The following ETV6 variants were observed in gnomAD, a reference collection of about 807,000 sequenced individuals.
The protein encoded by ETV6 is ETS variant transcription factor 6, also known as transcription factor ETV6.
In ETV6, 16 loss-of-function variants were observed where a neutral mutation model predicts 51.1. That is an observed-to-expected ratio of 0.31 (90% CI 0.21 to 0.48). The LOEUF is 0.48. Ranked by LOEUF, ETV6 falls within the 20% of genes least tolerant of loss-of-function variation. ETV6 has a pLI of 0.99. For missense variants in ETV6, 458 were observed against 594.8 expected, an observed-to-expected ratio of 0.77 and a Z score of 2.39; for synonymous variants, 240 against 224.1, an observed-to-expected ratio of 1.07 and a Z score of -0.64.
At chr12:11,819,305 G>A (rs1750520161) in intron 2 of ETV6, among the ~76,000 whole-genome samples, 1 of 152,160 alleles carries the variant, frequency 6.6e-6, no homozygotes, top group Non-Finnish European at 1.5e-5. Context: ...TGGCTTGCAA[G>A]ATACCACTGT....
intron 5 of ETV6, among the ~76,000 whole-genome samples, chr12:11,872,338 G>C (rs1946892575): frequency 6.6e-6 from 1 of 152,106 alleles, no homozygotes; most frequent in African/African-American, 2.4e-5. Flanking sequence ...GATCTCTCCT[G>C]TCTACCTCCC....
intron 3 of ETV6, among the ~76,000 whole-genome samples, chr12:11,853,156 C>T (rs1946582030): frequency 6.6e-6 from 1 of 152,226 alleles, no homozygotes; most frequent in Non-Finnish European, 1.5e-5. Context: ...CTCTGCACTT[C>T]AGCACTGGCA....
intron 2 of ETV6, among the ~76,000 whole-genome samples, chr12:11,764,883 C>G (rs1277217151): frequency 6.6e-6 from 1 of 152,196 alleles, no homozygotes; most frequent in Non-Finnish European, 1.5e-5. Context: ...TTATCCTCAT[C>G]TTACTGATGA....
intron 2 of ETV6, among the ~76,000 whole-genome samples, chr12:11,807,228 C>T (rs1039820267): frequency 3.3e-5 from 5 of 152,222 alleles, no homozygotes; most frequent in African/African-American, 7.2e-5. Flanking sequence ...CAAATTGTAG[C>T]AGAAGCAGGC....
chr12:11,660,470 G>A (rs779794092), intron 1 of ETV6, among the ~76,000 whole-genome samples: 3 of 151,874 alleles, frequency 2.0e-5, no homozygotes, highest in Non-Finnish European at 4.4e-5. Context: ...GTGGTGGTAG[G>A]TGCCTGTAAT....
At chr12:11,696,364 A>G (rs949387441) in intron 1 of ETV6, among the ~76,000 whole-genome samples, 2 of 152,250 alleles carry the variant, frequency 1.3e-5, no homozygotes, top group Admixed American at 6.5e-5. Flanking sequence ...CAATGAATAC[A>G]TGAACTTCGG....
In ETV6 at chr12:11,893,837, TATATACACAC is replaced by T. The variant is rs1947345088; in HGVS notation, c.*2793_*2802del. The T allele has an allele frequency of 8.2e-5, 4 of 48,570 alleles. No individual in the cohort carries two copies. The highest frequency in any genetic ancestry group is 1.2e-3 in the South Asian group (2 of 1,704). 3.0% of individuals were successfully genotyped at this position (48,570 alleles called of 1,614,324 possible). A position where few individuals can be genotyped will look rare whatever the true frequency, so the allele number is the denominator to read the frequency against. On this transcript the variant is annotated 3_prime_UTR_variant, in exon 8 of 8. Coordinates refer to ENST00000396373, the MANE Select transcript of ETV6 (RefSeq NM_001987.5). ...ATATATATATATATATATATATATATATATACACACACACACACATACACAAATATTCCAG... is the reference window on the plus strand; with the variant it reads ...ATATATATATATATATATATATATATACACACACATACACAAATATTCCAG...
chr12:11,874,565 CGTGT>C (rs1946940590), intron 5 of ETV6, among the ~76,000 whole-genome samples: 1 of 1,608 alleles, frequency 6.2e-4, no homozygotes, highest in African/African-American at 1.2e-3. Context: ...TGTGTATGTG[CGTGT>C]GTACACATAT....
chr12:11,656,726 T>C (rs796984758), intron 1 of ETV6, among the ~76,000 whole-genome samples: 4 of 152,234 alleles, frequency 2.6e-5, no homozygotes, highest in South Asian at 4.1e-4. Flanking sequence ...CATGAAGCGG[T>C]TGGAAATCTG....
At chr12:11,747,319 CA>C (rs1347297558) in intron 1 of ETV6, among the ~76,000 whole-genome samples, 1 of 152,144 alleles carries the variant, frequency 6.6e-6, no homozygotes, top group Non-Finnish European at 1.5e-5. Flanking sequence ...GCTTTCAGGG[CA>C]GGGGGGACAC....
intron 2 of ETV6, among the ~76,000 whole-genome samples, chr12:11,824,333 C>T (rs1228427319): frequency 6.6e-6 from 1 of 152,178 alleles, no homozygotes; most frequent in Admixed American, 6.5e-5. Context: ...TGGTTTTGCT[C>T]GTTCCTATAG....
intron 5 of ETV6, among the ~76,000 whole-genome samples, chr12:11,872,696 G>T (rs529858212): frequency 6.6e-6 from 1 of 151,876 alleles, no homozygotes; most frequent in Non-Finnish European, 1.5e-5. Flanking sequence ...GGGTTTCACC[G>T]TGTTGGCCAG....
chr12:11,816,889 C>T (rs1205368269), intron 2 of ETV6, among the ~76,000 whole-genome samples: 1 of 152,238 alleles, frequency 6.6e-6, no homozygotes, highest in African/African-American at 2.4e-5. Flanking sequence ...ATACCAGCTT[C>T]TTTCCATCCT....
chr12:11,788,577 T>G (rs1317510309), intron 2 of ETV6, among the ~76,000 whole-genome samples: 1 of 152,132 alleles, frequency 6.6e-6, no homozygotes, highest in Non-Finnish European at 1.5e-5. Context: ...ATGTGTGGAG[T>G]TTAAAGTACC....
At chr12:11,705,096 T>C (rs1189599752) in intron 1 of ETV6, among the ~76,000 whole-genome samples, 1 of 152,212 alleles carries the variant, frequency 6.6e-6, no homozygotes, top group Non-Finnish European at 1.5e-5. Context: ...AGGATGAGCG[T>C]GTCTAGAGAC....
At chr12:11,890,808 T>G in intron 7 of ETV6, 133 bp from the exon 8 acceptor site, 1 of 742,516 alleles carries the variant, frequency 1.3e-6, no homozygotes, top group African/African-American at 1.8e-5. Context: ...TAAGTTAACA[T>G]TAATCTCGGG....
chr12:11,728,181 T>C (rs1183223500), intron 1 of ETV6, among the ~76,000 whole-genome samples: 1 of 152,228 alleles, frequency 6.6e-6, no homozygotes, highest in Non-Finnish European at 1.5e-5. Flanking sequence ...TAAAGGCTTC[T>C]GTCACCTGTC....
intron 2 of ETV6, among the ~76,000 whole-genome samples, chr12:11,816,130 T>A (rs1945989896): frequency 6.6e-6 from 1 of 152,208 alleles, no homozygotes; most frequent in African/African-American, 2.4e-5. Flanking sequence ...AACTGTCAGA[T>A]GTCAGTGTGG....
At chr12:11,868,891 A>T (rs1946830725) in intron 4 of ETV6, among the ~76,000 whole-genome samples, 1 of 152,090 alleles carries the variant, frequency 6.6e-6, no homozygotes, top group Non-Finnish European at 1.5e-5. Context: ...TCATTAACGG[A>T]ATGCTTGTAG....
Sources: allele counts gnomAD v4.1 joint callset (sites outside exome capture counted in the v4.1 genomes callset), GRCh38; gene constraint gnomAD v4.1.1; transcripts MANE v1.5; gene names NCBI Gene and HGNC (gene_info 2026-07-23, HGNC 2026-07-21).